The following KCNMA1 variants were observed in gnomAD, a reference collection of about 807,000 sequenced individuals.
KCNMA1 encodes Calcium-activated potassium channel subunit alpha-1.
In KCNMA1, 29 loss-of-function variants were observed where a neutral mutation model predicts 140.0. That is an observed-to-expected ratio of 0.21 (90% CI 0.15 to 0.28). The LOEUF (loss-of-function observed/expected upper bound fraction) is 0.28. Ranked by LOEUF, KCNMA1 falls within the 10% of genes least tolerant of loss-of-function variation. KCNMA1 has a pLI of 1.00. For synonymous variants in KCNMA1, 612 were observed against 611.9 expected (o/e 1.00, Z 0.00); for missense variants, 880 against 1,602.2 (o/e 0.55, Z 7.70).
rs546985832 is a variant in KCNMA1 at position 77,293,688 on chromosome 10, C to T, written c.541-42432G>A. Among the ~76,000 whole-genome samples the T allele has an allele frequency of 4.6e-5, 7 of 152,334 alleles. No homozygotes were observed. The South Asian group carries it at 1.5e-3, about 32-fold the overall frequency. The stretch of plus-strand genomic sequence containing the variant: ...TGCCAGAAAGCTGAAAGTTTCCATG[C>T]CTCTGCTTTCCAGCTCTTTCTCTGC... On this transcript the variant is annotated intron_variant, in intron 2 of 27. Transcript: ENST00000286628.
At chr10:76,881,343 T>C (rs764328482), downstream of KCNMA1, among the ~76,000 whole-genome samples, 5 of 152,152 alleles carry the variant, frequency 3.3e-5, no homozygotes, top group Non-Finnish European at 7.3e-5. Context: ...TTCCTAATAG[T>C]GTTGTTTAGA....
intron 2 of KCNMA1, among the ~76,000 whole-genome samples, chr10:77,273,446 A>G (rs184543350): frequency 7.5e-4 from 114 of 152,360 alleles, no homozygotes; most frequent in Admixed American, 1.8e-3. Flanking sequence ...TTATACTTGC[A>G]AGATGAATTG....
At chr10:77,612,598 G>A (rs574985121) in intron 1 of KCNMA1, among the ~76,000 whole-genome samples, 30 of 152,246 alleles carry the variant, frequency 2.0e-4, no homozygotes, top group African/African-American at 4.8e-4. Flanking sequence ...AAGAACAGGC[G>A]GCTGCACAGG....
rs974176858 is a variant in KCNMA1, at chr10:77,230,368, T to C, written c.602+20827A>G. Among the ~76,000 whole-genome samples the C allele has an allele frequency of 3.3e-5, 5 of 152,208 alleles. No homozygotes were observed. The South Asian group carries it at 6.2e-4, about 19-fold the overall frequency. ...AAATGTCTTGACTAAATAGAAGTGA[T>C]GGTTGCATAACATTGTGAAGGTACG... On this transcript the variant is annotated intron_variant, in intron 3 of 27. Transcript: ENST00000286628.
chr10:77,550,403 G>A (rs958488603), intron 1 of KCNMA1, among the ~76,000 whole-genome samples: 2 of 152,132 alleles, frequency 1.3e-5, no homozygotes, highest in African/African-American at 4.8e-5. Context: ...GGAAGCAACT[G>A]GAAGTCCCAG....
chr10:77,331,133 CAGAG>C (rs34406006), intron 2 of KCNMA1, among the ~76,000 whole-genome samples: 94,205 of 151,250 alleles, frequency 0.62, 29,626 homozygotes, highest in Middle Eastern at 0.73. Flanking sequence ...GCCTGAACAG[CAGAG>C]AGAGAGCTCA....
At chr10:77,474,654 C>G (rs900120288) in intron 1 of KCNMA1, among the ~76,000 whole-genome samples, 2 of 151,696 alleles carry the variant, frequency 1.3e-5, no homozygotes, top group South Asian at 2.1e-4. Flanking sequence ...TTTTTTCTCT[C>G]TCTCCCAAAG....
At chr10:77,548,923 G>A (rs190308389) in intron 1 of KCNMA1, among the ~76,000 whole-genome samples, 30 of 152,310 alleles carry the variant, frequency 2.0e-4, no homozygotes, top group African/African-American at 7.0e-4. Flanking sequence ...ACACTCTGGG[G>A]TTGGTATGGA....
At chr10:76,928,360 G>C (rs899625556) in intron 23 of KCNMA1, among the ~76,000 whole-genome samples, 1 of 151,556 alleles carries the variant, frequency 6.6e-6, no homozygotes, top group African/African-American at 2.4e-5. Context: ...ATATATTCCA[G>C]GGAAGAGACT....
intron 3 of KCNMA1, among the ~76,000 whole-genome samples, chr10:77,242,899 T>TACAC (rs199668848): frequency 0.17 from 19,085 of 111,004 alleles, 1,372 homozygotes; most frequent in Non-Finnish European, 0.18. Flanking sequence ...AATTGTTTCC[T>TACAC]ACACACACAC....
rs578151731 is a variant in KCNMA1 at position 77,504,087 on chromosome 10, C to T, written c.379-100064G>A. Among the ~76,000 whole-genome samples the T allele has an allele frequency of 7.2e-5, 11 of 152,248 alleles. No homozygotes were observed. The South Asian group carries it at 8.3e-4, about 11-fold the overall frequency. On this transcript the variant is annotated intron_variant, in intron 1 of 27. Transcript: ENST00000286628. ...ATTGGGTAGCATCTCCATCAGCTGA[C>T]GTGTTCCCAATTGTCCTTTCTTGGT...
At chr10:77,064,709 G>A (rs531915786) in intron 14 of KCNMA1, among the ~76,000 whole-genome samples, 1 of 152,336 alleles carries the variant, frequency 6.6e-6, no homozygotes, top group East Asian at 1.9e-4. Flanking sequence ...CTGCATGGAA[G>A]CCTCTGATCT....
intron 25 of KCNMA1, chr10:76,902,805 A>C (rs1305414903): frequency 1.3e-5 from 2 of 152,130 alleles, no homozygotes; most frequent in Non-Finnish European, 2.9e-5. Flanking sequence ...AGATGAAAAA[A>C]CAAAACAAAA....
chr10:77,250,353 A>T (rs1019333071), intron 3 of KCNMA1: 1 of 152,296 alleles, frequency 6.6e-6, no homozygotes, highest in African/African-American at 2.4e-5. Context: ...ACAGAAAATG[A>T]GTTAGACTCC....
At chr10:77,224,709 G>C (rs986482464) in intron 3 of KCNMA1, among the ~76,000 whole-genome samples, 1 of 152,102 alleles carries the variant, frequency 6.6e-6, no homozygotes, top group African/African-American at 2.4e-5. Flanking sequence ...CAGAGTTTCT[G>C]GGATTCAGAT....
At chr10:77,081,399 G>A (rs1454379813) in intron 12 of KCNMA1, among the ~76,000 whole-genome samples, 1 of 152,146 alleles carries the variant, frequency 6.6e-6, no homozygotes, top group Non-Finnish European at 1.5e-5. Context: ...AAGTGACATT[G>A]TACATTTCCT....
intron 1 of KCNMA1, among the ~76,000 whole-genome samples, chr10:77,592,373 G>A (rs2079474866): frequency 6.6e-6 from 1 of 152,178 alleles, no homozygotes; most frequent in African/African-American, 2.4e-5. Context: ...AGCATCAGTG[G>A]GAAAAGTGAT....
At chr10:77,589,659 G>A (rs1389400367) in intron 1 of KCNMA1, among the ~76,000 whole-genome samples, 2 of 152,074 alleles carry the variant, frequency 1.3e-5, no homozygotes, top group Non-Finnish European at 2.9e-5. Flanking sequence ...GGCGCGTCTG[G>A]AGTTTGTTCC....
intron 5 of KCNMA1, among the ~76,000 whole-genome samples, chr10:77,152,046 G>A (rs1452258870): frequency 6.6e-6 from 1 of 152,170 alleles, no homozygotes; most frequent in East Asian, 1.9e-4. Context: ...TTGTGGTTAA[G>A]GGCAGAGGCT....
Sources: allele counts gnomAD v4.1 joint callset (sites outside exome capture counted in the v4.1 genomes callset), GRCh38; gene constraint gnomAD v4.1.1; transcripts MANE v1.5; gene names NCBI Gene and HGNC (gene_info 2026-07-23, HGNC 2026-07-21).